The following PTCD1 variants were observed in gnomAD, a reference collection of about 807,000 sequenced individuals.
The protein encoded by PTCD1 is pentatricopeptide repeat domain 1.
A neutral mutation model predicts 53.4 loss-of-function variants in PTCD1; 50 were observed. The ratio of observed to expected loss-of-function variants is 0.94; its 90% CI spans 0.75 to 1.19. PTCD1 has a LOEUF of 1.19. Ranked by LOEUF, PTCD1 falls within the 50% of genes most tolerant of loss-of-function variation. PTCD1 has a pLI of 0.00. For synonymous variants in PTCD1, 413 were observed against 394.8 expected, an observed-to-expected ratio of 1.05 and a Z score of -0.55; for missense variants, 918 against 904.8, an observed-to-expected ratio of 1.01 and a Z score of -0.19.
At chr7:99,428,203 T>C (rs1462900080) in intron 5 of PTCD1, among the ~76,000 whole-genome samples, 1 of 151,192 alleles carries the variant, frequency 6.6e-6, no homozygotes, top group Non-Finnish European at 1.5e-5. Context: ...AGCGAGACCA[T>C]CCAGGCTAAC....
At position 99,425,447 on chromosome 7, in the gene PTCD1, C is replaced by A. The variant is rs141837479; in HGVS notation, c.1085G>T (p.Arg362Leu). The A allele has an allele frequency of 2.5e-6, 4 of 1,613,876 alleles. No homozygotes were observed. The highest frequency in any genetic ancestry group is 3.4e-6 in the Non-Finnish European group (4 of 1,179,994). ...CTTGGCCTGGGCTGTCCTCCTTGGC[C>A]GCTGCCTGCTCACTGGGGGCTGAAG... ...TVLQPPVSRQ[R>L]PRRTAQAKAG... Residue 362 changes from arginine (R) to leucine (L), a missense_variant, in exon 6 of 8, where the codon CGG becomes CTG. Physicochemically the swap from Arg to Leu is moderately radical, Grantham distance 102. Coordinates refer to ENST00000292478, the MANE Select transcript of PTCD1 (RefSeq NM_015545.4).
chr7:99,429,422 C>T (rs1463381757), intron 4 of PTCD1, among the ~76,000 whole-genome samples, 166 bp downstream of exon 4: 1 of 152,154 alleles, frequency 6.6e-6, no homozygotes, highest in African/African-American at 2.4e-5. Context: ...CATACACAAT[C>T]TCCAGTAAGG....
In PTCD1 at chr7:99,419,749, G is replaced by A. The variant is rs1795715157; in HGVS notation, c.*218C>T. On this transcript the variant is annotated 3_prime_UTR_variant, in exon 8 of 8. Transcript: ENST00000292478. Reference sequence around the variant, plus strand: ...AAAGGTAGCTGGAGCTGGAAGTCCCGTGAAGGTGACACGCAAAGGTGGCTG... The same window carrying A: ...AAAGGTAGCTGGAGCTGGAAGTCCCATGAAGGTGACACGCAAAGGTGGCTG... The A allele has an allele frequency of 9.2e-6, 7 of 760,402 alleles. No homozygotes were observed. The highest frequency in any genetic ancestry group is 1.2e-5 in the Non-Finnish European group (6 of 480,560). The allele number at this position is 760,402 out of a possible 1,614,324, so 47.1% of individuals were successfully genotyped here.
At position 99,433,348 on chromosome 7, in the gene PTCD1, T is replaced by C. The variant is rs1323847884; in HGVS notation, c.524A>G (p.Asn175Ser). The C allele has an allele frequency of 6.2e-7, 1 of 1,614,152 alleles. No homozygotes were observed. The highest frequency in any genetic ancestry group is 1.6e-4 in the Middle Eastern group (1 of 6,062). ...GCAGCCCCCAATCAGCACCGTGTAG[T>C]TGCTCTCCATGGGCTGCAATCGCTC... ...KEERLQPMES[N>S]YTVLIGGCGR... The change falls in exon 3 of 8, where the codon AAC becomes AGC. Residue 175 changes from asparagine (N) to serine (S), a missense_variant. Coordinates refer to ENST00000292478, the MANE Select transcript of PTCD1 (RefSeq NM_015545.4).
rs536532476 is a variant in PTCD1, at chr7:99,434,756, A to G, written c.453+34T>C. 1,124 of 1,612,808 alleles carry G rather than the reference A, an allele frequency of 7.0e-4. 12 individuals carry two copies. In the South Asian group the frequency reaches 0.012, roughly 17 times the overall value. Reference sequence around the variant, plus strand: ...AAACACTGAGCCACCAGGGGAAAGAAGCCAGGAGCCACAGAACCCAAAGTG... The same window carrying G: ...AAACACTGAGCCACCAGGGGAAAGAGGCCAGGAGCCACAGAACCCAAAGTG... On this transcript the variant is annotated intron_variant, in intron 2 of 7. Coordinates refer to ENST00000292478, the MANE Select transcript of PTCD1 (RefSeq NM_015545.4).
chr7:99,422,763 T>A (rs1487320982), intron 7 of PTCD1, among the ~76,000 whole-genome samples: 1 of 152,198 alleles, frequency 6.6e-6, no homozygotes, highest in East Asian at 1.9e-4. Context: ...TGTTGCCATG[T>A]GTACAGTAAA....
At chr7:99,424,036 C>G in intron 6 of PTCD1, 79 bp from the exon 7 acceptor site, 1 of 1,566,806 alleles carries the variant, frequency 6.4e-7, no homozygotes, top group Admixed American at 1.9e-5. Flanking sequence ...GTCAATCAAG[C>G]TGGCTCCCGG....
In PTCD1 at chr7:99,428,996, A is replaced by G. The variant is rs1238861191; in HGVS notation, c.915+107T>C. The G allele has an allele frequency of 8.3e-6, 11 of 1,323,326 alleles. No individual in the cohort carries two copies. The South Asian group carries it at 1.2e-4, about 14-fold the overall frequency. The allele number at this position is 1,323,326 out of a possible 1,614,324, so 82.0% of individuals were successfully genotyped here. ...GCTGGGTTTTCAGAAAAGAGCACAGATATAAAAATACTCAGCACAGGGCCA... is the reference window on the plus strand; with the variant it reads ...GCTGGGTTTTCAGAAAAGAGCACAGGTATAAAAATACTCAGCACAGGGCCA... On this transcript the variant is annotated intron_variant, in intron 5 of 7. Coordinates refer to ENST00000292478, the MANE Select transcript of PTCD1 (RefSeq NM_015545.4).
chr7:99,429,771 G>C lies in PTCD1; in HGVS notation c.630C>G (p.Thr210=), dbSNP rs1346464503. 6.2e-7 allele frequency: 1 copy of C among 1,614,112 alleles called. No homozygotes were observed. The highest frequency in any genetic ancestry group is 8.5e-7 in the Non-Finnish European group (1 of 1,180,044). ...CACAGACGTTGAACAGGGCCGTGTA[G>C]GTGGCGTCCGAGGGCTCCAGGTCCC... ...KKRDLEPSDA[T]YTALFNVCAE... is the part of the protein sequence containing the mutation. The change falls in exon 4 of 8, where the codon ACC becomes ACG. Residue 210 remains threonine, a synonymous_variant. Transcript: ENST00000292478.
At chr7:99,435,347 T>C (rs897998717) in intron 1 of PTCD1, 79 bp from the exon 2 acceptor site, 1 of 1,555,280 alleles carries the variant, frequency 6.4e-7, no homozygotes, top group Non-Finnish European at 8.7e-7. Context: ...TGGTTACAAG[T>C]ATGGGCCCAG....
Position 99,435,191 on chromosome 7 carries a change from G to A in PTCD1, c.52C>T (p.Leu18=), listed in dbSNP as rs1422974481. ...GGGTCCAGGTGTTGCAGGATGAACA[G>A]TCCCATGGGGCGGGCCCTGGCGAAC... ...RLFARARPMG[L]FILQHLDPCR... is the part of the protein sequence containing the mutation. The change falls in exon 2 of 8, where the codon CTG becomes TTG. Residue 18 remains leucine (L), a synonymous_variant. Transcript: ENST00000292478. 7.5e-6 allele frequency: 12 copies of A among 1,605,210 alleles called. No individual in the cohort carries two copies. The highest frequency in any genetic ancestry group is 5.3e-5 in the African/African-American group (4 of 75,062).
intron 1 of PTCD1, among the ~76,000 whole-genome samples, chr7:99,436,240 G>A (rs1177478640): frequency 6.6e-6 from 1 of 152,100 alleles, no homozygotes; most frequent in Non-Finnish European, 1.5e-5. Flanking sequence ...ACCATGCCCA[G>A]CCTAAAGTAT....
chr7:99,433,602 G>A (rs1207651220), intron 2 of PTCD1, among the ~76,000 whole-genome samples, 184 bp from the exon 3 acceptor site: 2 of 152,214 alleles, frequency 1.3e-5, no homozygotes, highest in Non-Finnish European at 2.9e-5. Flanking sequence ...TTTCCCCGGT[G>A]AAGCCTCAGT....
chr7:99,417,714 G>A lies in PTCD1; in HGVS notation c.*2253C>T, dbSNP rs1196918991. The A allele has an allele frequency of 3.9e-6, 6 of 1,542,106 alleles. No homozygotes were observed. The highest frequency in any genetic ancestry group is 5.2e-6 in the Non-Finnish European group (6 of 1,149,562). ...ATGTCGTTTTGTCCCTGGATGTCCT[G>A]CTGGCTCTCCCTCGTGGGAGTGGGT... On this transcript the variant is annotated 3_prime_UTR_variant, in exon 8 of 8. Coordinates refer to ENST00000292478, the MANE Select transcript of PTCD1 (RefSeq NM_015545.4).
intron 4 of PTCD1, 131 bp from the exon 5 acceptor site, chr7:99,429,335 G>A (rs549802507): frequency 9.5e-6 from 12 of 1,268,240 alleles, no homozygotes; most frequent in Admixed American, 1.9e-5. Context: ...TTTGTGACCA[G>A]CCTGGGCAAC....
chr7:99,435,124 C>T lies in PTCD1; in HGVS notation c.119G>A (p.Arg40Gln), dbSNP rs369237643. The stretch of plus-strand genomic sequence containing the variant: ...GCTGCTGAAGGGCGCCCACATTGGC[C>T]GCATCAGCCCCTCCCTGCCTCCTGC... ...RWAGGREGLMRPMWAPFSSSS... is the reference protein window; with the variant it reads ...RWAGGREGLMQPMWAPFSSSS... The change falls in exon 2 of 8, where the codon CGG (arginine) becomes CAG (glutamine). Residue 40 changes from arginine to glutamine, a missense_variant. By Grantham distance (43) the Arg-to-Gln change is conservative. Transcript: ENST00000292478. 22 of 1,601,808 alleles carry T rather than the reference C, an allele frequency of 1.4e-5. No homozygotes were observed. Among genetic ancestry groups the T allele is most frequent in the African/African-American group, 1.2e-4 (9 of 74,748 alleles).
intron 7 of PTCD1, among the ~76,000 whole-genome samples, chr7:99,422,063 CACA>C (rs1795842462): frequency 6.6e-6 from 1 of 152,078 alleles, no homozygotes; most frequent in Non-Finnish European, 1.5e-5. Context: ...GGAAGATATG[CACA>C]ACATGTGATC....
chr7:99,422,865 C>G (rs1480666110), intron 7 of PTCD1, among the ~76,000 whole-genome samples: 2 of 152,128 alleles, frequency 1.3e-5, no homozygotes, highest in African/African-American at 4.8e-5. Context: ...AATGGCACAC[C>G]TGGTCCAACT....
At chr7:99,423,136 C>T (rs945732293) in intron 7 of PTCD1, among the ~76,000 whole-genome samples, 3 of 151,386 alleles carry the variant, frequency 2.0e-5, no homozygotes, top group Admixed American at 6.6e-5. Flanking sequence ...TGCAGTGGCG[C>T]GATCTTGGCT....
Sources: allele counts gnomAD v4.1 joint callset (sites outside exome capture counted in the v4.1 genomes callset), GRCh38; gene constraint gnomAD v4.1.1; transcripts MANE v1.5; gene names NCBI Gene and HGNC (gene_info 2026-07-23, HGNC 2026-07-21).